Variants in ARHGAP23 observed in about 807,000 individuals in gnomAD.
The protein encoded by ARHGAP23 is rho GTPase-activating protein 23.
ARHGAP23 carries 34 observed loss-of-function variants against 136.3 expected under a neutral mutation model. The ratio of observed to expected loss-of-function variants is 0.25; its 90% confidence interval spans 0.19 to 0.33. The LOEUF (loss-of-function observed/expected upper bound fraction) is 0.33, where lower values mean the gene tolerates loss of function less well. ARHGAP23 is among the 10% of genes least tolerant of loss of function. ARHGAP23 has a pLI of 1.00. For missense variants in ARHGAP23, 1,808 were observed against 2,139.0 expected (o/e 0.85, Z 3.05); for synonymous variants, 832 against 920.5 (o/e 0.90, Z 1.74).
upstream of ARHGAP23, among the ~76,000 whole-genome samples, chr17:38,424,385 T>C (rs1392424749): frequency 6.6e-6 from 1 of 152,092 alleles, no homozygotes; most frequent in Non-Finnish European, 1.5e-5. Flanking sequence ...TAATGCTCAG[T>C]GGGCAGATTC....
upstream of ARHGAP23, among the ~76,000 whole-genome samples, chr17:38,424,425 C>T (rs1289526993): frequency 6.6e-6 from 1 of 152,182 alleles, no homozygotes; most frequent in Non-Finnish European, 1.5e-5. Context: ...CCCCTCCTCC[C>T]TGCACAGTCT....
Position 38,498,521 on chromosome 17 carries a change from G to C in ARHGAP23, c.3415+11G>C. 1 of 1,530,194 alleles carries C rather than the reference G, an allele frequency of 6.5e-7. No individual in the cohort carries two copies. Among genetic ancestry groups the C allele is most frequent in the South Asian group, 1.2e-5 (1 of 82,202 alleles). The allele number at this position is 1,530,194 out of a possible 1,614,324, so 94.8% of individuals were successfully genotyped here. A position where few individuals can be genotyped will look rare whatever the true frequency, so the allele number is the denominator to read the frequency against. On this transcript the variant is annotated intron_variant, in intron 22 of 23. Transcript: ENST00000622683. ...GCGACCCGGGGTCAGGTGAGCGCAG[G>C]GGCCTGGGAGTGGGGAGGCGGGAGG... is the stretch of plus-strand genomic sequence containing the variant.
chr17:38,455,122 T>TC (rs2039292677), intron 1 of ARHGAP23, among the ~76,000 whole-genome samples: 1 of 152,078 alleles, frequency 6.6e-6, no homozygotes, highest in South Asian at 2.1e-4. Flanking sequence ...ACCTATCACT[T>TC]CCCCCACCTC....
At chr17:38,463,403 C>T in intron 6 of ARHGAP23, 21 bp downstream of exon 6, 1 of 1,551,610 alleles carries the variant, frequency 6.4e-7, no homozygotes, top group African/African-American at 1.4e-5. Flanking sequence ...CCCCTGTGGC[C>T]TGAGAGGAGA....
intron 17 of ARHGAP23, among the ~76,000 whole-genome samples, chr17:38,488,410 A>C (rs539729014): frequency 1.1e-4 from 17 of 151,984 alleles, no homozygotes; most frequent in Non-Finnish European, 1.9e-4. Context: ...TCTTTTTCTT[A>C]TGTTGATTTG....
At chr17:38,502,413 C>T (rs529019078) in intron 23 of ARHGAP23, among the ~76,000 whole-genome samples, 5 of 152,356 alleles carry the variant, frequency 3.3e-5, no homozygotes, top group African/African-American at 1.2e-4. Context: ...AAAGATAGGG[C>T]TAATTCATTT....
At chr17:38,490,440 G>T (rs1363605574) in intron 18 of ARHGAP23, 22 bp from the exon 19 acceptor site, 1 of 1,512,278 alleles carries the variant, frequency 6.6e-7, no homozygotes, top group African/African-American at 1.4e-5. Context: ...CTGTCCCCAT[G>T]CCCCTCCTCT....
chr17:38,469,872 C>T lies in ARHGAP23; in HGVS notation c.1942C>T (p.Leu648=), dbSNP rs1411679893. ...GCGCCTGCCAAACCGCATACCCAGC[C>T]TGCGGATGCTCCGGAGCTTCTTCAC... ...LRRLPNRIPS[L]RMLRSFFTDG... The change falls in exon 10 of 24, where the codon CTG becomes TTG. Residue 648 remains leucine (L), a synonymous_variant. Transcript: ENST00000622683. The T allele has an allele frequency of 6.4e-7, 1 of 1,551,730 alleles. No individual in the cohort carries two copies. The highest frequency in any genetic ancestry group is 2.0e-5 in the Admixed American group (1 of 51,010).
chr17:38,467,128 C>T lies in ARHGAP23; in HGVS notation c.1445C>T (p.Ala482Val), dbSNP rs140587590. 6.1e-4 allele frequency: 942 copies of T among 1,549,784 alleles called. 5 individuals are homozygous for T. The African/African-American group carries it at 0.012, about 19-fold the overall frequency. The change falls in exon 7 of 24, where the codon GCG becomes GTG. Residue 482 changes from alanine to valine, a missense_variant. Transcript: ENST00000622683. ...EPSTRALEPPAEDRGDEVVLR... is the reference protein window; with the variant it reads ...EPSTRALEPPVEDRGDEVVLR... Reference sequence around the variant, plus strand: ...AGCACCCGGGCCCTGGAGCCTCCTGCGGAGGATCGCGGCGATGAGGTGGTC... The same window carrying T: ...AGCACCCGGGCCCTGGAGCCTCCTGTGGAGGATCGCGGCGATGAGGTGGTC...
Position 38,455,448 on chromosome 17 carries a change from G to A in ARHGAP23, c.64-2654G>A, listed in dbSNP as rs113396089. Among the ~76,000 whole-genome samples the A allele has an allele frequency of 1.8e-3, 275 of 152,234 alleles. 2 individuals carry two copies. The highest frequency in any genetic ancestry group is 5.7e-3 in the African/African-American group (238 of 41,554). On this transcript the variant is annotated intron_variant, in intron 1 of 23. Transcript: ENST00000622683. The stretch of plus-strand genomic sequence containing the variant: ...GTAGTGCTTGGTGAGGAGGGGACCC[G>A]GAGAGGAAGGCATGCCTCCTACCCT...
chr17:38,455,016 C>T (rs955006591), intron 1 of ARHGAP23, among the ~76,000 whole-genome samples: 18 of 152,314 alleles, frequency 1.2e-4, no homozygotes, highest in African/African-American at 3.6e-4. Context: ...CCCTCTCAGT[C>T]CCCTTGTCTC....
At chr17:38,443,384 A>G (rs561097737) in intron 1 of ARHGAP23, among the ~76,000 whole-genome samples, 2 of 152,306 alleles carry the variant, frequency 1.3e-5, no homozygotes, top group African/African-American at 4.8e-5. Context: ...AGTATTCTTG[A>G]CTGTGTGGCT....
chr17:38,490,000 CT>C, intron 17 of ARHGAP23, 101 bp from the exon 18 acceptor site: 1 of 1,119,662 alleles, frequency 8.9e-7, no homozygotes, highest in Non-Finnish European at 1.3e-6. Flanking sequence ...AGCCCCCGAA[CT>C]GGAGGAGTTC....
chr17:38,455,553 G>T (rs1448079853), intron 1 of ARHGAP23, among the ~76,000 whole-genome samples: 1 of 152,210 alleles, frequency 6.6e-6, no homozygotes, highest in African/African-American at 2.4e-5. Context: ...TGGGGGAGGG[G>T]CGGGGGGCGT....
Position 38,479,535 on chromosome 17 carries a change from G to A in ARHGAP23, c.2498+38G>A, listed in dbSNP as rs778827762. The A allele has an allele frequency of 2.3e-5, 35 of 1,538,472 alleles. No homozygotes were observed. In the Admixed American group the frequency reaches 2.7e-4, roughly 12 times the overall value. On this transcript the variant is annotated intron_variant, in intron 13 of 23. Coordinates refer to ENST00000622683, the MANE Select transcript of ARHGAP23 (RefSeq NM_001199417.2). ...CCTCGTGGAGCAGTCTCCTCTGTGGGGGTGGTAGGGGGCTGAAGGCAAAGG... is the reference window on the plus strand; with the variant it reads ...CCTCGTGGAGCAGTCTCCTCTGTGGAGGTGGTAGGGGGCTGAAGGCAAAGG...
intron 14 of ARHGAP23, among the ~76,000 whole-genome samples, chr17:38,481,251 A>G (rs1343418049): frequency 6.6e-6 from 1 of 151,328 alleles, no homozygotes; most frequent in Non-Finnish European, 1.5e-5. Context: ...GGTTCACGCC[A>G]TTCTCCTGCC....
chr17:38,425,966 G>A (rs1014003099), upstream of ARHGAP23, among the ~76,000 whole-genome samples: 6 of 151,832 alleles, frequency 4.0e-5, no homozygotes, highest in African/African-American at 1.5e-4. Context: ...TTCGCCTGCC[G>A]GTCAGTGTGA....
At chr17:38,480,170 G>A (rs888838832) in intron 14 of ARHGAP23, among the ~76,000 whole-genome samples, 5 of 152,092 alleles carry the variant, frequency 3.3e-5, no homozygotes, top group Admixed American at 6.5e-5. Flanking sequence ...CTTTCCAAGA[G>A]CAACCTTTCC....
chr17:38,484,759 G>A (rs984588808), intron 16 of ARHGAP23, among the ~76,000 whole-genome samples: 103 of 152,260 alleles, frequency 6.8e-4, no homozygotes, highest in Non-Finnish European at 1.1e-3. Flanking sequence ...GGGGGCATAC[G>A]AGGTATATTG....
Sources: gnomAD v4.1 joint callset for allele counts (sites outside exome capture counted in the v4.1 genomes callset) on GRCh38, gnomAD v4.1.1 for gene constraint, MANE v1.5 for transcripts, NCBI Gene and HGNC (gene_info 2026-07-23, HGNC 2026-07-21) for gene names.